The following EDDM13 variants were observed in gnomAD, a reference collection of about 807,000 sequenced individuals.
EDDM13 encodes epididymal protein 13.
Under a neutral mutation model 17.8 loss-of-function variants are expected in EDDM13, and 24 were observed. That is an observed-to-expected ratio of 1.35 (90% CI 0.98 to 1.90). EDDM13 has a LOEUF of 1.90. Among genes scored for constraint, EDDM13 ranks in the 40% most tolerant of loss-of-function variants. The pLI is 0.00. For synonymous variants in EDDM13, 31 were observed against 37.5 expected (o/e 0.83, Z 0.63); for missense variants, 97 against 100.8 (o/e 0.96, Z 0.16).
At chr19:56,280,093 T>C (rs2038574569) in intron 2 of EDDM13, among the ~76,000 whole-genome samples, 1 of 152,210 alleles carries the variant, frequency 6.6e-6, no homozygotes, top group Non-Finnish European at 1.5e-5. Flanking sequence ...TTCTTCCAGA[T>C]CCTTCCAGAG....
intron 9 of EDDM13, among the ~76,000 whole-genome samples, chr19:56,294,401 C>A (rs897734475): frequency 3.9e-5 from 6 of 152,212 alleles, no homozygotes; most frequent in Non-Finnish European, 8.8e-5. Flanking sequence ...CCCAAACTCC[C>A]TTAGATTCTA....
chr19:56,273,172 C>T (rs1200289921), intron 1 of EDDM13, among the ~76,000 whole-genome samples: 3 of 152,192 alleles, frequency 2.0e-5, no homozygotes, highest in East Asian at 1.9e-4. Flanking sequence ...GGAGACACTG[C>T]GTCTGCAAAC....
intron 5 of EDDM13, among the ~76,000 whole-genome samples, chr19:56,284,472 G>C (rs924738846): frequency 2.8e-5 from 2 of 71,824 alleles, no homozygotes; most frequent in African/African-American, 6.7e-5. Context: ...ACAGAGATAA[G>C]TAAACAGAAA....
chr19:56,291,123 C>T (rs1290038638), intron 9 of EDDM13, among the ~76,000 whole-genome samples: 1 of 152,140 alleles, frequency 6.6e-6, no homozygotes, highest in South Asian at 2.1e-4. Flanking sequence ...ATCACGTCCC[C>T]GAGCTCACAG....
rs143312233 is a variant in EDDM13, at chr19:56,293,074, C to A, written c.232+2228C>A. Among the ~76,000 whole-genome samples the A allele has an allele frequency of 4.6e-5, 7 of 152,276 alleles. No homozygotes were observed. The East Asian group carries it at 1.2e-3, about 25-fold the overall frequency. On this transcript the variant is annotated intron_variant, in intron 9 of 14. Transcript: ENST00000649256. ...GTTCTGAGACACCATCCTGTCCATG[C>A]CCCACACCCACCTCCAAACCCCACT...
intron 13 of EDDM13, among the ~76,000 whole-genome samples, chr19:56,303,780 G>A (rs945997427): frequency 6.6e-6 from 1 of 151,390 alleles, no homozygotes; most frequent in Non-Finnish European, 1.5e-5. Context: ...CACAGAGTGA[G>A]CAGCCATGGC....
intron 8 of EDDM13, among the ~76,000 whole-genome samples, chr19:56,290,062 G>T (rs2039412012): frequency 6.6e-6 from 1 of 152,202 alleles, no homozygotes; most frequent in Admixed American, 6.5e-5. Flanking sequence ...ATAAAGAGTG[G>T]TTTCCCCAAA....
chr19:56,303,077 G>A (rs1315849551), intron 13 of EDDM13: 5 of 391,882 alleles, frequency 1.3e-5, no homozygotes, highest in African/African-American at 1.0e-4. Flanking sequence ...TCTGCTGTGG[G>A]TTAAGGACAG....
chr19:56,285,980 C>T (rs1004974772), intron 6 of EDDM13, among the ~76,000 whole-genome samples: 2 of 152,134 alleles, frequency 1.3e-5, no homozygotes, highest in Non-Finnish European at 2.9e-5. Context: ...TGTGGGGATG[C>T]TTGTTTCCCC....
intron 14 of EDDM13, among the ~76,000 whole-genome samples, chr19:56,309,734 G>A (rs931206889): frequency 6.6e-6 from 1 of 152,204 alleles, no homozygotes; most frequent in Admixed American, 6.5e-5. Context: ...TGCGGGGCGC[G>A]CCCTCTAGTG....
At chr19:56,305,491 G>A (rs114499040) in intron 14 of EDDM13, among the ~76,000 whole-genome samples, 230 of 152,336 alleles carry the variant, frequency 1.5e-3, no homozygotes, top group African/African-American at 5.3e-3. Context: ...CAGGTAAAGT[G>A]CACTGGGTTG....
rs2039871399 is a variant in EDDM13 at position 56,296,321 on chromosome 19, C to T, written c.242-15C>T. 1 of 152,110 alleles carries T rather than the reference C, an allele frequency of 6.6e-6. No homozygotes were observed. Among genetic ancestry groups the T allele is most frequent in the Non-Finnish European group, 1.5e-5 (1 of 68,068 alleles). The allele number at this position is 152,110 out of a possible 1,614,324, so 9.4% of individuals were successfully genotyped here. A position where few individuals can be genotyped will look rare whatever the true frequency, so the allele number is the denominator to read the frequency against. On this transcript the variant is annotated splice_polypyrimidine_tract_variant and intron_variant, in intron 10 of 14. Coordinates refer to ENST00000649256, the MANE Select transcript of EDDM13 (RefSeq NM_001354658.2). ...GTCCCTTCTGACTCGCGTTGTATGC[C>T]CCTGTCCTCCTTAGGCTTGCTGAGC...
chr19:56,286,836 A>T (rs1351438704), intron 6 of EDDM13, among the ~76,000 whole-genome samples: 1 of 152,246 alleles, frequency 6.6e-6, no homozygotes, highest in African/African-American at 2.4e-5. Context: ...TCACTGCTAG[A>T]GATGCCCGGC....
chr19:56,288,172 G>A (rs1401305576), intron 6 of EDDM13, among the ~76,000 whole-genome samples: 1 of 152,106 alleles, frequency 6.6e-6, no homozygotes, highest in Admixed American at 6.5e-5. Flanking sequence ...TGACCCACAG[G>A]GGTCTGCCTC....
In EDDM13 at chr19:56,281,841, C is replaced by A. The variant is rs377633680; in HGVS notation, c.109+143C>A. The A allele has an allele frequency of 2.8e-4, 91 of 319,408 alleles. 1 individual carries two copies. In the South Asian group the frequency reaches 0.01, roughly 36 times the overall value. 19.8% of individuals were successfully genotyped at this position (319,408 alleles called of 1,614,324 possible). A position where few individuals can be genotyped will look rare whatever the true frequency, so the allele number is the denominator to read the frequency against. ...TCAGATGTCCTCAATTCAAACATGA[C>A]CTCTTCACCCAGAATCTGCAGATTG... On this transcript the variant is annotated intron_variant, in intron 3 of 14. Coordinates refer to ENST00000649256, the MANE Select transcript of EDDM13 (RefSeq NM_001354658.2).
At chr19:56,307,637 A>G (rs1380590155) in intron 14 of EDDM13, among the ~76,000 whole-genome samples, 3 of 152,188 alleles carry the variant, frequency 2.0e-5, no homozygotes, top group African/African-American at 7.2e-5. Flanking sequence ...ATCTGAGCCC[A>G]CAGAGATAAG....
intron 2 of EDDM13, among the ~76,000 whole-genome samples, 77 bp downstream of exon 2, chr19:56,276,186 C>T (rs932541412): frequency 2.0e-5 from 3 of 152,206 alleles, no homozygotes; most frequent in African/African-American, 7.2e-5. Context: ...TGCAACCTCT[C>T]TGGCAATTCT....
chr19:56,284,233 C>T, intron 5 of EDDM13, 27 bp downstream of exon 5: 1 of 963,538 alleles, frequency 1.0e-6, no homozygotes, highest in Non-Finnish European at 1.2e-6. Flanking sequence ...TTCACAATGC[C>T]CCCAGACTGT....
chr19:56,296,580 G>C (rs900761787), intron 11 of EDDM13, among the ~76,000 whole-genome samples: 4 of 152,070 alleles, frequency 2.6e-5, no homozygotes, highest in African/African-American at 9.7e-5. Flanking sequence ...AGGTGTTAGA[G>C]ATGCAGCAGA....
Sources: gnomAD v4.1 joint callset for allele counts (sites outside exome capture counted in the v4.1 genomes callset) on GRCh38, gnomAD v4.1.1 for gene constraint, MANE v1.5 for transcripts, NCBI Gene and HGNC (gene_info 2026-07-23, HGNC 2026-07-21) for gene names.